GLG1: variants seen among roughly 807,000 people sequenced by gnomAD.
GLG1 encodes the protein Golgi apparatus protein 1.
GLG1 carries 38 observed loss-of-function variants against 160.5 expected under a neutral mutation model. The ratio of observed to expected loss-of-function variants is 0.24; its 90% CI spans 0.18 to 0.31. The LOEUF is 0.31. GLG1 is among the 10% of genes least tolerant of loss of function. The pLI is 1.00. For missense variants in GLG1, 1,373 were observed against 1,505.2 expected, an observed-to-expected ratio of 0.91 and a Z score of 1.45; for synonymous variants, 644 against 543.4, an observed-to-expected ratio of 1.19 and a Z score of -2.57.
chr16:74,527,850 C>A (rs1294008768), intron 2 of GLG1, among the ~76,000 whole-genome samples: 1 of 151,620 alleles, frequency 6.6e-6, no homozygotes, highest in Non-Finnish European at 1.5e-5. Flanking sequence ...CCTCAGCCTC[C>A]CAAGTAGATG....
At position 74,448,389 on chromosome 16, in the gene GLG1, T is replaced by G. The variant is rs1434362445; in HGVS notation, c.*4778A>C. 1 of 152,174 alleles carries G rather than the reference T, an allele frequency of 6.6e-6. No individual in the cohort carries two copies. The highest frequency in any genetic ancestry group is 1.5e-5 in the Non-Finnish European group (1 of 68,028). 9.4% of individuals were successfully genotyped at this position (152,174 alleles called of 1,614,324 possible). ...ACCCACAGCACCAGATGCTGCATTT[T>G]ACAAAACCACTTAGGTGCTGCCCAA... On this transcript the variant is annotated 3_prime_UTR_variant, in exon 26 of 26. Coordinates refer to ENST00000422840, the MANE Select transcript of GLG1 (RefSeq NM_001145667.2).
At chr16:74,453,792 C>T (rs1331804049) in intron 25 of GLG1, among the ~76,000 whole-genome samples, 1 of 152,058 alleles carries the variant, frequency 6.6e-6, no homozygotes, top group African/African-American at 2.4e-5. Context: ...TTGGTTTATG[C>T]TCTTTAAATG....
At chr16:74,508,313 C>CAAAAAAA (rs35839355) in intron 3 of GLG1, among the ~76,000 whole-genome samples, 1 of 106,218 alleles carries the variant, frequency 9.4e-6, no homozygotes. Context: ...ATTATTGATT[C>CAAAAAAA]AAAAAAAAAA....
intron 2 of GLG1, among the ~76,000 whole-genome samples, chr16:74,524,022 G>A (rs1165943922): frequency 6.6e-6 from 1 of 152,096 alleles, no homozygotes; most frequent in Non-Finnish European, 1.5e-5. Context: ...AGACTAGCCT[G>A]GCCAACATGG....
At chr16:74,516,025 C>T (rs2016967121) in intron 2 of GLG1, among the ~76,000 whole-genome samples, 1 of 151,542 alleles carries the variant, frequency 6.6e-6, no homozygotes, top group African/African-American at 2.4e-5. Context: ...CATATATGCA[C>T]CCAATACAGG....
At position 74,452,752 on chromosome 16, in the gene GLG1, C is replaced by A; in HGVS notation, c.*415G>T. The A allele has an allele frequency of 1.0e-6, 1 of 992,208 alleles. No homozygotes were observed. The highest frequency in any genetic ancestry group is 1.2e-6 in the Non-Finnish European group (1 of 834,014). The allele number at this position is 992,208 out of a possible 1,614,324, so 61.5% of individuals were successfully genotyped here. A position where few individuals can be genotyped will look rare whatever the true frequency, so the allele number is the denominator to read the frequency against. ...TCATATGAAAGACATAACCCCATTGCCCAAATCAAGCCTGGAGGAGATGCG... is the reference window on the plus strand; with the variant it reads ...TCATATGAAAGACATAACCCCATTGACCAAATCAAGCCTGGAGGAGATGCG... On this transcript the variant is annotated 3_prime_UTR_variant, in exon 26 of 26. Coordinates refer to ENST00000422840, the MANE Select transcript of GLG1 (RefSeq NM_001145667.2).
At chr16:74,544,548 C>T (rs759580236) in intron 1 of GLG1, among the ~76,000 whole-genome samples, 1 of 152,154 alleles carries the variant, frequency 6.6e-6, no homozygotes, top group Non-Finnish European at 1.5e-5. Flanking sequence ...ACTCTGTTGC[C>T]CAGGCTGGAG....
Position 74,494,789 on chromosome 16 carries a change from G to T in GLG1, c.1021C>A (p.His341Asn). ...EGRVYKCLFN[H>N]KFEESMSEKC... is the part of the protein sequence containing the mutation. ...TCACTCATGGATTCTTCAAATTTAT[G>T]GTTAAAGAGGCACTTATACACTCTG... Residue 341 changes from histidine (H) to asparagine (N), a missense_variant, in exon 6 of 26, where the codon CAT (histidine) becomes AAT (asparagine). This residue lies in a region of GLG1 where 174 missense variants were observed against 229.9 expected (regional missense o/e 0.76). Coordinates refer to ENST00000422840, the MANE Select transcript of GLG1 (RefSeq NM_001145667.2). The T allele has an allele frequency of 6.7e-7, 1 of 1,481,644 alleles. No individual in the cohort carries two copies. Among genetic ancestry groups the T allele is most frequent in the Non-Finnish European group, 9.4e-7 (1 of 1,059,708 alleles). The allele number at this position is 1,481,644 out of a possible 1,614,324, so 91.8% of individuals were successfully genotyped here.
At chr16:74,604,218 A>T (rs1201465169) in intron 1 of GLG1, among the ~76,000 whole-genome samples, 1 of 152,186 alleles carries the variant, frequency 6.6e-6, no homozygotes, top group Non-Finnish European at 1.5e-5. Context: ...TCAGAAAGAA[A>T]AGTTCCATAA....
intron 9 of GLG1, among the ~76,000 whole-genome samples, chr16:74,484,803 A>G (rs1003627663): frequency 1.1e-4 from 16 of 152,012 alleles, no homozygotes; most frequent in Non-Finnish European, 2.2e-4. Context: ...TTTAGTAGAG[A>G]CGGGGTTTCT....
intron 15 of GLG1, among the ~76,000 whole-genome samples, chr16:74,470,335 T>C (rs1185760956): frequency 6.9e-6 from 1 of 145,078 alleles, no homozygotes; most frequent in Non-Finnish European, 1.5e-5. Flanking sequence ...CTTTCCTTCT[T>C]TCCTTCCCTC....
chr16:74,459,030 C>T (rs1018445685), intron 23 of GLG1, among the ~76,000 whole-genome samples: 19 of 152,162 alleles, frequency 1.2e-4, no homozygotes, highest in African/African-American at 3.4e-4. Flanking sequence ...AAATAATATT[C>T]TAAAATCCTC....
intron 2 of GLG1, among the ~76,000 whole-genome samples, chr16:74,523,415 G>A (rs745599461): frequency 3.9e-4 from 59 of 152,148 alleles, no homozygotes; most frequent in Admixed American, 1.4e-3. Context: ...CTTCAAGATC[G>A]CTTTGGCTGT....
rs539114070 is a variant in GLG1, at chr16:74,550,086, C to G, written c.439-17933G>C. On this transcript the variant is annotated intron_variant, in intron 1 of 25. Transcript: ENST00000422840. ...TGAGCCATGATCACACCATTGCACT[C>G]CAGCCTGAGCAACAGAGCAAGATCT... Among the ~76,000 whole-genome samples, 781 of 152,292 alleles carry G rather than the reference C, an allele frequency of 5.1e-3. 1 individual carries two copies. Among genetic ancestry groups the G allele is most frequent in the Non-Finnish European group, 8.5e-3 (578 of 68,012 alleles).
At chr16:74,597,363 T>A (rs8050615) in intron 1 of GLG1, among the ~76,000 whole-genome samples, 106,024 of 148,444 alleles carry the variant, frequency 0.71, 38,261 homozygotes, top group African/African-American at 0.83. Context: ...CCAGGGAGGC[T>A]GAGGTTGCAG....
chr16:74,560,652 T>C (rs1164217396), intron 1 of GLG1, among the ~76,000 whole-genome samples: 1 of 152,140 alleles, frequency 6.6e-6, no homozygotes, highest in Non-Finnish European at 1.5e-5. Flanking sequence ...AAAAACTCTT[T>C]ATAAAAGGCA....
chr16:74,574,882 T>TAAAAA (rs1567533255), intron 1 of GLG1, among the ~76,000 whole-genome samples: 2 of 3,728 alleles, frequency 5.4e-4, no homozygotes, highest in Admixed American at 5.2e-3. Flanking sequence ...AGACTCTGTC[T>TAAAAA]CAAAAAAAAA....
intron 11 of GLG1, among the ~76,000 whole-genome samples, chr16:74,477,977 A>AAACAAATAAAT (rs1555508275): frequency 7.8e-5 from 11 of 140,200 alleles, no homozygotes; most frequent in African/African-American, 2.8e-4. Flanking sequence ...CCGTCTCAAA[A>AAACAAATAAAT]AAATAAATAA....
chr16:74,581,945 A>C (rs772234092), intron 1 of GLG1, among the ~76,000 whole-genome samples: 6 of 152,098 alleles, frequency 3.9e-5, no homozygotes, highest in Non-Finnish European at 8.8e-5. Flanking sequence ...AAACAAATTC[A>C]AAGTACAAAT....
Sources: allele counts gnomAD v4.1 joint callset (sites outside exome capture counted in the v4.1 genomes callset), GRCh38; gene constraint gnomAD v4.1.1; regional missense constraint gnomAD v4.1.1; transcripts MANE v1.5; gene names NCBI Gene and HGNC (gene_info 2026-07-23, HGNC 2026-07-21).